Variants in MGAT5 observed in about 807,000 individuals in gnomAD.
MGAT5 encodes alpha-1,6-mannosylglycoprotein 6-beta-N-acetylglucosaminyltransferase A.
A neutral mutation model predicts 94.3 loss-of-function variants in MGAT5; 30 were observed. The observed-to-expected ratio is 0.32, with a 90% confidence interval of 0.24 to 0.43. The LOEUF (loss-of-function observed/expected upper bound fraction) is 0.43. MGAT5 is among the 20% of genes least tolerant of loss of function. The pLI is 1.00. For missense variants in MGAT5, 691 were observed against 905.5 expected (o/e 0.76, Z 3.04); for synonymous variants, 310 against 322.9 (o/e 0.96, Z 0.43).
At chr2:134,340,932 G>T (rs181265324) in intron 6 of MGAT5, among the ~76,000 whole-genome samples, 3 of 152,128 alleles carry the variant, frequency 2.0e-5, no homozygotes, top group African/African-American at 7.2e-5. Flanking sequence ...AGTTGAAGAA[G>T]TATGAATATT....
chr2:134,378,381 C>A (rs1681320760), intron 10 of MGAT5, among the ~76,000 whole-genome samples: 2 of 152,134 alleles, frequency 1.3e-5, no homozygotes, highest in Non-Finnish European at 2.9e-5. Context: ...GCTTTACCTT[C>A]CCCAGGGTCA....
chr2:134,402,932 G>C, intron 10 of MGAT5, 56 bp from the exon 11 acceptor site: 1 of 1,519,530 alleles, frequency 6.6e-7, no homozygotes, highest in South Asian at 1.3e-5. Context: ...CATGATACAG[G>C]TTGTTATGCA....
intron 7 of MGAT5, among the ~76,000 whole-genome samples, chr2:134,342,621 C>T (rs1332295590): frequency 1.3e-5 from 2 of 151,336 alleles, no homozygotes; most frequent in East Asian, 3.9e-4. Context: ...GTGTGGTGGC[C>T]CATGCCTGTA....
At chr2:134,187,204 C>G (rs55999111) in intron 1 of MGAT5, among the ~76,000 whole-genome samples, 53 of 152,030 alleles carry the variant, frequency 3.5e-4, no homozygotes, top group African/African-American at 1.3e-3. Context: ...TTATGATGGA[C>G]GTGTGTGAAG....
intron 1 of MGAT5, among the ~76,000 whole-genome samples, chr2:134,225,077 CAAAAAAA>C (rs1167660901): frequency 2.9e-5 from 2 of 68,238 alleles, no homozygotes; most frequent in Non-Finnish European, 2.8e-5. Context: ...CCCTGTCTCA[CAAAAAAA>C]AAAAAAAAAA....
At chr2:134,150,430 C>T (rs573336018) in intron 1 of MGAT5, among the ~76,000 whole-genome samples, 9 of 152,262 alleles carry the variant, frequency 5.9e-5, no homozygotes, top group Non-Finnish European at 8.8e-5. Context: ...CATAGGTGCC[C>T]CTGGGCAGGC....
At chr2:134,337,888 A>C (rs1558803225) in intron 5 of MGAT5, among the ~76,000 whole-genome samples, 1 of 152,196 alleles carries the variant, frequency 6.6e-6, no homozygotes, top group Non-Finnish European at 1.5e-5. Flanking sequence ...CAGTTTTCTT[A>C]GAAGTCTGCT....
intron 1 of MGAT5, among the ~76,000 whole-genome samples, chr2:134,135,329 T>G (rs577064754): frequency 1.3e-5 from 2 of 152,136 alleles, no homozygotes; most frequent in East Asian, 3.9e-4. Context: ...GGAAATGAAT[T>G]GTAAAGTAAT....
chr2:134,404,138 C>T lies in MGAT5; in HGVS notation c.1530+1001C>T, dbSNP rs138549966. Among the ~76,000 whole-genome samples the T allele has an allele frequency of 1.5e-3, 232 of 152,180 alleles. 1 individual carries two copies. The highest frequency in any genetic ancestry group is 5.4e-3 in the African/African-American group (226 of 41,500). On this transcript the variant is annotated intron_variant, in intron 11 of 15. Coordinates refer to ENST00000281923, the MANE Select transcript of MGAT5 (RefSeq NM_002410.5). Reference sequence around the variant, plus strand: ...TATTGAGTAGCTGCAATGTGCTAGGCGTTGTACAAGGGATGCAAGTGTGAA... The same window carrying T: ...TATTGAGTAGCTGCAATGTGCTAGGTGTTGTACAAGGGATGCAAGTGTGAA...
At chr2:134,407,197 C>T (rs1321695756) in intron 11 of MGAT5, among the ~76,000 whole-genome samples, 1 of 152,164 alleles carries the variant, frequency 6.6e-6, no homozygotes, top group Admixed American at 6.6e-5. Flanking sequence ...GCCTACATCT[C>T]CAGGCCCTGT....
At chr2:134,137,552 T>C (rs937286922) in intron 1 of MGAT5, among the ~76,000 whole-genome samples, 1 of 152,248 alleles carries the variant, frequency 6.6e-6, no homozygotes, top group Admixed American at 6.5e-5. Flanking sequence ...TTTCCACTTG[T>C]AGCTATATTT....
intron 1 of MGAT5, among the ~76,000 whole-genome samples, chr2:134,134,250 T>C (rs2104926145): frequency 6.6e-6 from 1 of 152,288 alleles, no homozygotes; most frequent in South Asian, 2.1e-4. Flanking sequence ...ATGGCTGTCC[T>C]TCTAGGTGGT....
chr2:134,431,376 G>A (rs934786792), intron 14 of MGAT5, among the ~76,000 whole-genome samples: 1 of 152,068 alleles, frequency 6.6e-6, no homozygotes, highest in East Asian at 1.9e-4. Flanking sequence ...CAATAAAGGG[G>A]GCCTATTTTG....
intron 1 of MGAT5, among the ~76,000 whole-genome samples, chr2:134,129,220 G>T (rs1686002055): frequency 6.6e-6 from 1 of 152,134 alleles, no homozygotes; most frequent in Non-Finnish European, 1.5e-5. Flanking sequence ...CTAGGCTCAT[G>T]CCCCCTTCTC....
At chr2:134,366,572 A>T (rs1680444494) in intron 10 of MGAT5, among the ~76,000 whole-genome samples, 2 of 152,208 alleles carry the variant, frequency 1.3e-5, no homozygotes, top group East Asian at 3.8e-4. Context: ...AAGGTGGTTG[A>T]CTGTCCTGAG....
At chr2:134,328,262 A>T (rs1687759792) in intron 4 of MGAT5, among the ~76,000 whole-genome samples, 1 of 152,004 alleles carries the variant, frequency 6.6e-6, no homozygotes, top group South Asian at 2.1e-4. Context: ...ACTCTCATGG[A>T]TCCCTCTGGC....
intron 2 of MGAT5, among the ~76,000 whole-genome samples, chr2:134,294,781 A>T (rs1685569042): frequency 6.6e-6 from 1 of 152,210 alleles, no homozygotes; most frequent in Non-Finnish European, 1.5e-5. Flanking sequence ...ATTAGGTCAT[A>T]GTCTGTTCCT....
chr2:134,329,371 C>G (rs184629966), intron 4 of MGAT5, among the ~76,000 whole-genome samples: 27 of 152,216 alleles, frequency 1.8e-4, no homozygotes, highest in Admixed American at 4.6e-4. Flanking sequence ...GCTCTTGCTA[C>G]ATAGAACAAA....
intron 2 of MGAT5, among the ~76,000 whole-genome samples, chr2:134,302,658 A>G (rs1321650489): frequency 6.6e-6 from 1 of 151,412 alleles, no homozygotes; most frequent in African/African-American, 2.4e-5. Flanking sequence ...CATTTTTCAA[A>G]GACATAAATA....
Sources: allele counts gnomAD v4.1 joint callset (sites outside exome capture counted in the v4.1 genomes callset), GRCh38; gene constraint gnomAD v4.1.1; transcripts MANE v1.5; gene names NCBI Gene and HGNC (gene_info 2026-07-23, HGNC 2026-07-21).